SIPA1L3: variants seen among roughly 807,000 people sequenced by gnomAD.
SIPA1L3 encodes the protein signal-induced proliferation-associated 1-like protein 3.
Under a neutral mutation model 150.1 loss-of-function variants are expected in SIPA1L3, and 59 were observed. That is an observed-to-expected ratio of 0.39 (90% confidence interval 0.32 to 0.49). The LOEUF (loss-of-function observed/expected upper bound fraction) is 0.49, where lower values mean the gene tolerates loss of function less well. Among genes scored for constraint, SIPA1L3 ranks in the 20% least tolerant of loss-of-function variants. The pLI is 0.86. For synonymous variants in SIPA1L3, 1,070 were observed against 1,077.6 expected (o/e 0.99, Z 0.14); for missense variants, 2,211 against 2,489.5 (o/e 0.89, Z 2.38).
chr19:38,081,634 C>T lies in SIPA1L3; in HGVS notation c.69C>T (p.Gly23=), dbSNP rs751996671. Residue 23 remains glycine (G), a synonymous_variant, in exon 3 of 22, where the codon GGC becomes GGT. Transcript: ENST00000222345. ...DLAASCGARV[G]DVLPGPHTGD... is the part of the protein sequence containing the mutation. ...CAGCCAGCTGTGGCGCCAGGGTGGG[C>T]GATGTCCTCCCTGGGCCACACACAG... is the stretch of plus-strand genomic sequence containing the variant. 7 of 1,606,692 alleles carry T rather than the reference C, an allele frequency of 4.4e-6. No individual in the cohort carries two copies. The highest frequency in any genetic ancestry group is 1.3e-5 in the African/African-American group (1 of 74,778).
intron 1 of SIPA1L3, among the ~76,000 whole-genome samples, chr19:37,991,646 G>T (rs1967511602): frequency 6.6e-6 from 1 of 152,220 alleles, no homozygotes. Flanking sequence ...CAGAGTCACT[G>T]TTCCCGGGAA....
intron 2 of SIPA1L3, among the ~76,000 whole-genome samples, chr19:38,034,412 G>A (rs1968731927): frequency 6.6e-6 from 1 of 152,104 alleles, no homozygotes; most frequent in Non-Finnish European, 1.5e-5. Flanking sequence ...TGAGGCACGA[G>A]TGGTGAAGCT....
chr19:38,164,992 C>T lies in SIPA1L3; in HGVS notation c.4208+86C>T. 8.0e-7 allele frequency: 1 copy of T among 1,255,690 alleles called. No homozygotes were observed. The highest frequency in any genetic ancestry group is 1.1e-6 in the Non-Finnish European group (1 of 930,970). 77.8% of individuals were successfully genotyped at this position (1,255,690 alleles called of 1,614,324 possible). A position where few individuals can be genotyped will look rare whatever the true frequency, so the allele number is the denominator to read the frequency against. On this transcript the variant is annotated intron_variant, in intron 15 of 21. Coordinates refer to ENST00000222345, the MANE Select transcript of SIPA1L3 (RefSeq NM_015073.3). This position sits in a 1 kb window ranked among gnomAD's most constrained non-coding sequence, Gnocchi z 4.1. ...CGGTCCTGATGGTGGGGTTCTCCTC[C>T]CCAGAAACACACTCACGGATGAATG...
intron 1 of SIPA1L3, among the ~76,000 whole-genome samples, chr19:38,025,624 A>G (rs112844892): frequency 0.011 from 1,685 of 152,336 alleles, 31 homozygotes; most frequent in African/African-American, 0.039. Flanking sequence ...ACTTTAGAGA[A>G]AGAAAGGAGA....
At chr19:38,111,884 T>C (rs554946975) in intron 8 of SIPA1L3, among the ~76,000 whole-genome samples, 65 of 152,050 alleles carry the variant, frequency 4.3e-4, no homozygotes, top group African/African-American at 1.5e-3. Flanking sequence ...CACGCACACG[T>C]GCACAGGCAC....
chr19:37,921,439 G>A lies in SIPA1L3; in HGVS notation c.-379+14081G>A, dbSNP rs73630984. Among the ~76,000 whole-genome samples the A allele has an allele frequency of 6.0e-3, 908 of 152,200 alleles. 10 individuals are homozygous for A. The highest frequency in any genetic ancestry group is 0.021 in the African/African-American group (852 of 41,536). ...TTGGTCAGATCCTGCCAGTGCTGGC[G>A]CCGTTTGTTGCATCTGATGGTGAGC... is the stretch of plus-strand genomic sequence containing the variant. On this transcript the variant is annotated intron_variant, in intron 1 of 21. Coordinates refer to ENST00000222345, the MANE Select transcript of SIPA1L3 (RefSeq NM_015073.3).
intron 10 of SIPA1L3, among the ~76,000 whole-genome samples, chr19:38,136,321 G>A (rs1228459085): frequency 6.6e-6 from 1 of 151,806 alleles, no homozygotes; most frequent in Non-Finnish European, 1.5e-5. Flanking sequence ...AAAAATTCAA[G>A]GGCCAGACGC....
intron 8 of SIPA1L3, among the ~76,000 whole-genome samples, chr19:38,118,543 CTT>C (rs528248381): frequency 2.0e-5 from 3 of 149,616 alleles, no homozygotes; most frequent in African/African-American, 7.3e-5. Context: ...TGCCCTAACA[CTT>C]TTTTTTTTGA....
In SIPA1L3 at chr19:37,943,032, CTCTTTTTTT is replaced by C. The variant is rs894605835; in HGVS notation, c.-379+35676_-379+35684del. 1.3e-4 allele frequency among the ~76,000 whole-genome samples: 15 copies of C among 114,562 alleles called. No individual in the cohort carries two copies. In the East Asian group the frequency reaches 2.8e-3, roughly 22 times the overall value. 75.2% of individuals were successfully genotyped at this position (114,562 alleles called of 152,430 possible). On this transcript the variant is annotated intron_variant, in intron 1 of 21. Coordinates refer to ENST00000222345, the MANE Select transcript of SIPA1L3 (RefSeq NM_015073.3). Reference sequence around the variant, plus strand: ...CCTCTTTCTCTCTCTCTCTCTCTCTCTCTTTTTTTTTTTTTTTTTTTTGTAGAGACAGGG... The same window carrying C: ...CCTCTTTCTCTCTCTCTCTCTCTCTCTTTTTTTTTTTTTGTAGAGACAGGG...
chr19:38,178,374 G>A (rs535741535), intron 15 of SIPA1L3, among the ~76,000 whole-genome samples: 1 of 151,846 alleles, frequency 6.6e-6, no homozygotes, highest in East Asian at 2.0e-4. Context: ...GGCTCCAGCA[G>A]TTCTCCCACC....
chr19:37,957,094 T>C (rs747935441), intron 1 of SIPA1L3, among the ~76,000 whole-genome samples: 3 of 152,222 alleles, frequency 2.0e-5, no homozygotes, highest in Non-Finnish European at 2.9e-5. Flanking sequence ...GTAAAAGTCA[T>C]TTGATTATTA....
chr19:38,072,944 C>T (rs1969755635), intron 2 of SIPA1L3, among the ~76,000 whole-genome samples: 1 of 152,216 alleles, frequency 6.6e-6, no homozygotes, highest in South Asian at 2.1e-4. Flanking sequence ...GGAGCATTTA[C>T]ACCCACAGAT....
intron 1 of SIPA1L3, among the ~76,000 whole-genome samples, chr19:37,957,023 A>G (rs1340355659): frequency 1.3e-5 from 2 of 152,182 alleles, no homozygotes; most frequent in Non-Finnish European, 2.9e-5. Flanking sequence ...ATATCCAATT[A>G]TCCCAGCTCC....
chr19:38,083,267 C>G (rs1315263032), intron 3 of SIPA1L3, among the ~76,000 whole-genome samples, 168 bp downstream of exon 3: 1 of 152,104 alleles, frequency 6.6e-6, no homozygotes, highest in Non-Finnish European at 1.5e-5. Context: ...AGCAGAGCCA[C>G]CCGGGCCTCA....
intron 1 of SIPA1L3, among the ~76,000 whole-genome samples, chr19:37,915,900 A>G (rs531308588): frequency 2.0e-5 from 3 of 152,160 alleles, no homozygotes; most frequent in African/African-American, 7.2e-5. Context: ...TAAGACTAAA[A>G]ATATTGGGTG....
At chr19:38,131,398 C>T (rs1396002569) in intron 10 of SIPA1L3, among the ~76,000 whole-genome samples, 1 of 152,152 alleles carries the variant, frequency 6.6e-6, no homozygotes, top group East Asian at 1.9e-4. Context: ...CAGACAGGAG[C>T]TGGCCAGGGC....
At chr19:38,100,987 C>G in intron 5 of SIPA1L3, 65 bp from the exon 6 acceptor site, 2 of 1,486,276 alleles carry the variant, frequency 1.3e-6, no homozygotes, top group Non-Finnish European at 1.8e-6. Flanking sequence ...AGACATACCC[C>G]TTGCTCCCTT....
At chr19:37,969,199 C>T (rs183258915) in intron 1 of SIPA1L3, among the ~76,000 whole-genome samples, 1 of 152,146 alleles carries the variant, frequency 6.6e-6, no homozygotes, top group African/African-American at 2.4e-5. Context: ...TGCCACTGCA[C>T]TCCAGCCTGG....
intron 15 of SIPA1L3, among the ~76,000 whole-genome samples, chr19:38,177,804 T>A (rs955447005): frequency 3.3e-5 from 5 of 152,148 alleles, no homozygotes; most frequent in Admixed American, 6.6e-5. Context: ...GGCAGGTGGA[T>A]CACTTGAGGC....
Sources: gnomAD v4.1 joint callset for allele counts (sites outside exome capture counted in the v4.1 genomes callset) on GRCh38, gnomAD v4.1.1 for gene constraint, Gnocchi (gnomAD v3.1) non-coding constraint, MANE v1.5 for transcripts, NCBI Gene and HGNC (gene_info 2026-07-23, HGNC 2026-07-21) for gene names.